GANAB: variants seen among roughly 807,000 people sequenced by gnomAD.
The protein encoded by GANAB is neutral alpha-glucosidase AB.
Under a neutral mutation model 129.9 loss-of-function variants are expected in GANAB, and 35 were observed. The observed-to-expected ratio is 0.27, with a 90% CI of 0.21 to 0.36. The LOEUF (loss-of-function observed/expected upper bound fraction) is 0.36. Ranked by LOEUF, GANAB falls within the 10% of genes least tolerant of loss-of-function variation. GANAB has a pLI of 1.00. For synonymous variants in GANAB, 482 were observed against 451.8 expected (o/e 1.07, Z -0.85); for missense variants, 939 against 1,221.0 (o/e 0.77, Z 3.44).
In GANAB at chr11:62,634,927, T is replaced by C; in HGVS notation, c.454A>G (p.Thr152Ala). 6.2e-7 allele frequency: 1 copy of C among 1,613,706 alleles called. No homozygotes were observed. The highest frequency in any genetic ancestry group is 1.1e-5 in the South Asian group (1 of 91,064). The change falls in exon 5 of 24, where the codon ACA becomes GCA. Residue 152 changes from threonine (T) to alanine (A), a missense_variant. Physicochemically the swap from Thr to Ala is moderately conservative, Grantham distance 58. Around this residue, in one of 5 missense-constraint regions of GANAB, gnomAD observed 321 missense variants for 329.1 expected, o/e 0.98. Coordinates refer to ENST00000356638, the MANE Select transcript of GANAB (RefSeq NM_198334.3). Reference sequence around the variant, plus strand: ...AGGTCAAGGCGGAATGGCCGTGCTGTCAAGATGATCTTGTAGGGTCCCTCA... The same window carrying C: ...AGGTCAAGGCGGAATGGCCGTGCTGCCAAGATGATCTTGTAGGGTCCCTCA... ...MAEGPYKIIL[T>A]ARPFRLDLLE... is the part of the protein sequence containing the mutation.
chr11:62,625,142 A>G lies in GANAB; in HGVS notation c.*673T>C. The stretch of plus-strand genomic sequence containing the variant: ...ATGCGCATCCCCTAAGAGGTGTGGA[A>G]ACGTCTTTCTGCCGAGGGACAGAGG... On this transcript the variant is annotated 3_prime_UTR_variant, in exon 24 of 24. Coordinates refer to ENST00000356638, the MANE Select transcript of GANAB (RefSeq NM_198334.3). 2.2e-6 allele frequency: 1 copy of G among 449,608 alleles called. No individual in the cohort carries two copies. Among genetic ancestry groups the G allele is most frequent in the Middle Eastern group, 7.0e-4 (1 of 1,426 alleles). The allele number at this position is 449,608 out of a possible 1,614,324, so 27.9% of individuals were successfully genotyped here.
intron 1 of GANAB, among the ~76,000 whole-genome samples, chr11:62,645,955 C>A (rs1160634339): frequency 6.6e-6 from 1 of 152,172 alleles, no homozygotes; most frequent in Non-Finnish European, 1.5e-5. Flanking sequence ...TGGACCAAGC[C>A]ATTCGATTAC....
In GANAB at chr11:62,630,455, A is replaced by T; in HGVS notation, c.1437T>A (p.Val479=). Residue 479 remains valine (V), a synonymous_variant, in exon 12 of 24, where the codon GTT becomes GTA. Transcript: ENST00000356638. ...PHIKVDSGYR[V]HEELRNLGLY... is the part of the protein sequence containing the mutation. ...GCCCCAGGTTCCGCAGCTCCTCGTG[A>T]ACTCGGTAGCCGGAGTCCACCTTGA... 6.2e-7 allele frequency: 1 copy of T among 1,614,120 alleles called. No individual in the cohort carries two copies. Among genetic ancestry groups the T allele is most frequent in the Non-Finnish European group, 8.5e-7 (1 of 1,179,992 alleles).
At chr11:62,634,478 G>T in intron 5 of GANAB, 1 of 770,042 alleles carries the variant, frequency 1.3e-6, no homozygotes, top group South Asian at 1.5e-5. Flanking sequence ...TTCCAGAGAT[G>T]GGGGGAAAAA....
At chr11:62,645,884 T>G (rs898098337) in intron 1 of GANAB, among the ~76,000 whole-genome samples, 3 of 152,234 alleles carry the variant, frequency 2.0e-5, no homozygotes, top group African/African-American at 7.2e-5. Context: ...AGTAAACATT[T>G]GTGGCACTGG....
Position 62,629,929 on chromosome 11 carries a change from T to G in GANAB, c.1622A>C (p.Asn541Thr). ...GAACACAGATGGTTCGTTCATGTCA[T>G]TCCAGACAAAGAGGTTGGGAGCTGA... is the stretch of plus-strand genomic sequence containing the variant. ...EGSAPNLFVW[N>T]DMNEPSVFNG... The change falls in exon 14 of 24, where the codon AAT (asparagine) becomes ACT (threonine). Residue 541 changes from asparagine to threonine, a missense_variant. Around this residue, in one of 5 missense-constraint regions of GANAB, gnomAD observed 147 missense variants for 282.4 expected, o/e 0.52. Coordinates refer to ENST00000356638, the MANE Select transcript of GANAB (RefSeq NM_198334.3). 1.2e-6 allele frequency: 2 copies of G among 1,614,102 alleles called. No individual in the cohort carries two copies.
Position 62,624,998 on chromosome 11 carries a change from C to G in GANAB, c.*817G>C, listed in dbSNP as rs993300182. On this transcript the variant is annotated 3_prime_UTR_variant, in exon 24 of 24. Transcript: ENST00000356638. ...CCCCGAGCACACATGATCATCTCCCCCCACCCTCAGGCTTCTCCTAGCAAT... is the reference window on the plus strand; with the variant it reads ...CCCCGAGCACACATGATCATCTCCCGCCACCCTCAGGCTTCTCCTAGCAAT... 2.1e-5 allele frequency: 6 copies of G among 288,730 alleles called. No homozygotes were observed. The highest frequency in any genetic ancestry group is 1.4e-4 in the African/African-American group (6 of 42,612). The allele number at this position is 288,730 out of a possible 1,614,324, so 17.9% of individuals were successfully genotyped here.
intron 17 of GANAB, among the ~76,000 whole-genome samples, chr11:62,628,056 C>G (rs576178348): frequency 6.6e-6 from 1 of 152,278 alleles, no homozygotes; most frequent in Non-Finnish European, 1.5e-5. Context: ...CCAAGACATA[C>G]TGTTTTTTTC....
At position 62,625,596 on chromosome 11, in the gene GANAB, G is replaced by A. The variant is rs1321301335; in HGVS notation, c.*219C>T. 1.7e-6 allele frequency: 1 copy of A among 574,072 alleles called. No homozygotes were observed. The highest frequency in any genetic ancestry group is 1.9e-5 in the African/African-American group (1 of 53,282). The allele number at this position is 574,072 out of a possible 1,614,324, so 35.6% of individuals were successfully genotyped here. ...CAACAGGATGTTGGGGGAATGAAGG[G>A]AAAGAGTTGGTATCAATGGAGTGGG... is the stretch of plus-strand genomic sequence containing the variant. On this transcript the variant is annotated 3_prime_UTR_variant, in exon 24 of 24. Transcript: ENST00000356638.
chr11:62,625,879 G>A lies in GANAB; in HGVS notation c.2771C>T (p.Ser924Phe). ...RLSFQHDPET[S>F]VLVLRKPGIN... ...GCCAGGCTTGCGCAGGACCAACACAGAGGTCTCAGGGTCATGCTGGAAGGA... is the reference window on the plus strand; with the variant it reads ...GCCAGGCTTGCGCAGGACCAACACAAAGGTCTCAGGGTCATGCTGGAAGGA... Residue 924 changes from serine (S) to phenylalanine (F), a missense_variant, in exon 24 of 24, where the codon TCT becomes TTT. Around this residue, in one of 5 missense-constraint regions of GANAB, gnomAD observed 230 missense variants for 259.9 expected, o/e 0.89. Transcript: ENST00000356638. 3 of 1,613,900 alleles carry A rather than the reference G, an allele frequency of 1.9e-6. No homozygotes were observed. Among genetic ancestry groups the A allele is most frequent in the Non-Finnish European group, 2.5e-6 (3 of 1,179,798 alleles).
chr11:62,639,142 G>C, intron 3 of GANAB, 32 bp from the exon 4 acceptor site: 1 of 1,611,996 alleles, frequency 6.2e-7, no homozygotes. Context: ...TCTGGAGAAA[G>C]GAAATGGGAT....
chr11:62,646,338 C>T (rs544154733), intron 1 of GANAB, among the ~76,000 whole-genome samples: 1 of 152,244 alleles, frequency 6.6e-6, no homozygotes, highest in Non-Finnish European at 1.5e-5. Context: ...TGTGGCTTTA[C>T]TAAACCGCCG....
chr11:62,632,946 C>T (rs1943757604), intron 8 of GANAB, 59 bp downstream of exon 8: 1 of 1,103,954 alleles, frequency 9.1e-7, no homozygotes, highest in African/African-American at 1.5e-5. Context: ...ACCCATCTCC[C>T]TAAAGGCCTG....
chr11:62,633,928 C>T (rs1365359220), intron 5 of GANAB: 2 of 370,698 alleles, frequency 5.4e-6, no homozygotes, highest in Non-Finnish European at 9.9e-6. Flanking sequence ...GTGGGTCATA[C>T]TATACCAAGC....
At chr11:62,638,860 T>C in intron 4 of GANAB, 123 bp downstream of exon 4, 10 of 851,390 alleles carry the variant, frequency 1.2e-5, no homozygotes, top group Non-Finnish European at 1.7e-5. Context: ...TTGAGGAGTA[T>C]GGCAAGGTGC....
At chr11:62,637,127 A>G (rs1943981136) in intron 4 of GANAB, among the ~76,000 whole-genome samples, 1 of 152,194 alleles carries the variant, frequency 6.6e-6, no homozygotes, top group South Asian at 2.1e-4. Flanking sequence ...AGAGGGCCCT[A>G]AGGAAACATG....
chr11:62,632,351 A>G (rs1049403262), intron 9 of GANAB, among the ~76,000 whole-genome samples: 1 of 152,178 alleles, frequency 6.6e-6, no homozygotes, highest in African/African-American at 2.4e-5. Flanking sequence ...ACTGATAATA[A>G]GTGCATTCCG....
intron 9 of GANAB, among the ~76,000 whole-genome samples, chr11:62,632,126 G>T (rs556653549): frequency 6.6e-6 from 1 of 150,746 alleles, no homozygotes; most frequent in African/African-American, 2.4e-5. Flanking sequence ...GGAGTCCGCC[G>T]CCACACCCTG....
At chr11:62,637,608 A>C (rs756734237) in intron 4 of GANAB, among the ~76,000 whole-genome samples, 42 of 152,350 alleles carry the variant, frequency 2.8e-4, no homozygotes, top group Non-Finnish European at 5.4e-4. Flanking sequence ...AAAACACTGG[A>C]AACAACCCCA....
Sources: allele counts gnomAD v4.1 joint callset (sites outside exome capture counted in the v4.1 genomes callset), GRCh38; gene constraint gnomAD v4.1.1; regional missense constraint gnomAD v4.1.1; transcripts MANE v1.5; gene names NCBI Gene and HGNC (gene_info 2026-07-23, HGNC 2026-07-21).